ASS1: variants seen among roughly 807,000 people sequenced by gnomAD.
ASS1 encodes argininosuccinate synthase 1, also known as argininosuccinate synthase.
ASS1 carries 58 observed loss-of-function variants against 60.5 expected under a neutral mutation model. That is an observed-to-expected ratio of 0.96 (90% CI 0.78 to 1.19). The LOEUF (loss-of-function observed/expected upper bound fraction) is 1.19, where lower values mean the gene tolerates loss of function less well. Among genes scored for constraint, ASS1 ranks in the 50% most tolerant of loss-of-function variants. The probability of loss-of-function intolerance (pLI) is 0.00; values close to 1 mark genes in which losing one functional copy is unlikely to be tolerated. For missense variants in ASS1, 454 were observed against 547.3 expected (o/e 0.83, Z 1.70); for synonymous variants, 200 against 206.9 (o/e 0.97, Z 0.29).
In ASS1 at chr9:130,483,695, C is replaced by A. The variant is rs528188556; in HGVS notation, c.838+3246C>A. Among the ~76,000 whole-genome samples, 3 of 151,884 alleles carry A rather than the reference C, an allele frequency of 2.0e-5. No homozygotes were observed. The South Asian group carries it at 6.3e-4, about 32-fold the overall frequency. On this transcript the variant is annotated intron_variant, in intron 11 of 14. Transcript: ENST00000352480. The stretch of plus-strand genomic sequence containing the variant: ...TTCTCCCGCCGCTCTCCCCTCTCCG[C>A]TCTCCTCCCAGCCCTGCCCGTCTCA...
In ASS1 at chr9:130,461,449, G is replaced by A. The variant is rs907495049; in HGVS notation, c.364-2662G>A. 2.7e-4 allele frequency among the ~76,000 whole-genome samples: 39 copies of A among 142,346 alleles called. 1 individual carries two copies. Among genetic ancestry groups the A allele is most frequent in the Admixed American group, 2.7e-3 (36 of 13,296 alleles). 93.4% of individuals were successfully genotyped at this position (142,346 alleles called of 152,430 possible). A position where few individuals can be genotyped will look rare whatever the true frequency, so the allele number is the denominator to read the frequency against. On this transcript the variant is annotated intron_variant, in intron 4 of 14. Coordinates refer to ENST00000352480, the MANE Select transcript of ASS1 (RefSeq NM_054012.4). Reference sequence around the variant, plus strand: ...CTGTTCCCCATCCTGGACCTGCAGGGCGTGGTTCTGAGGAGAACGCCCCCC... The same window carrying A: ...CTGTTCCCCATCCTGGACCTGCAGGACGTGGTTCTGAGGAGAACGCCCCCC...
intron 11 of ASS1, among the ~76,000 whole-genome samples, chr9:130,484,030 GC>G (rs1318702830): frequency 6.6e-6 from 1 of 152,080 alleles, no homozygotes; most frequent in Non-Finnish European, 1.5e-5. Flanking sequence ...AGCCCCAGAG[GC>G]CCACCCAGGA....
chr9:130,445,245 CGCGAGTCCCCGGG>C, intron 1 of ASS1: 2 of 960,878 alleles, frequency 2.1e-6, no homozygotes, highest in South Asian at 9.6e-5. Context: ...TCCCCGGGGG[CGCGAGTCCCCGGG>C]TCCGAAGAGC....
intron 6 of ASS1, among the ~76,000 whole-genome samples, chr9:130,468,858 T>C (rs1001289974): frequency 4.6e-5 from 7 of 152,240 alleles, no homozygotes; most frequent in Non-Finnish European, 1.0e-4. Context: ...TCTCACGTTG[T>C]CTACATGTTG....
chr9:130,453,560 G>A (rs1041363288), intron 2 of ASS1, among the ~76,000 whole-genome samples: 3 of 152,218 alleles, frequency 2.0e-5, no homozygotes, highest in Non-Finnish European at 4.4e-5. Flanking sequence ...GTAGCACAGC[G>A]GGGCAATCAG....
At chr9:130,498,638 T>A (rs1008329881) in intron 13 of ASS1, among the ~76,000 whole-genome samples, 66 of 152,150 alleles carry the variant, frequency 4.3e-4, no homozygotes, top group Non-Finnish European at 3.5e-4. Flanking sequence ...GCTACATTAT[T>A]TCATGTGGGG....
At position 130,488,451 on chromosome 9, in the gene ASS1, T is replaced by A. The variant is rs1846361257; in HGVS notation, c.839-882T>A. 6.6e-6 allele frequency among the ~76,000 whole-genome samples: 1 copy of A among 152,240 alleles called. No homozygotes were observed. Among genetic ancestry groups the A allele is most frequent in the Admixed American group, 6.5e-5 (1 of 15,292 alleles). ...TCCTGGGGCAAGAGGGGGCCTGGGC[T>A]GTGTGCTGTGGGCGGTCCTGCCTCT... On this transcript the variant is annotated intron_variant, in intron 11 of 14. Coordinates refer to ENST00000352480, the MANE Select transcript of ASS1 (RefSeq NM_054012.4). This position sits in a 1 kb window ranked among gnomAD's most constrained non-coding sequence, Gnocchi z 5.2.
intron 8 of ASS1, among the ~76,000 whole-genome samples, chr9:130,471,806 G>C (rs1333666872): frequency 1.3e-5 from 2 of 152,222 alleles, no homozygotes; most frequent in African/African-American, 4.8e-5. Context: ...GTGATTGTGA[G>C]ACAATAAAGA....
chr9:130,492,957 G>A (rs1846484799), intron 12 of ASS1, among the ~76,000 whole-genome samples: 1 of 152,170 alleles, frequency 6.6e-6, no homozygotes, highest in Non-Finnish European at 1.5e-5. Context: ...AGAAAATTCT[G>A]AGATAAAGCC....
In ASS1 at chr9:130,478,403, C is replaced by G. The variant is rs1846076021; in HGVS notation, c.689-1313C>G. On this transcript the variant is annotated intron_variant, in intron 9 of 14. Transcript: ENST00000352480. The surrounding 1 kb of genome is among the most constrained non-coding windows in gnomAD (Gnocchi z 4.7). ...GTGGCAGGCTGCGGAGGGTCCTGGGCACCAGGCTCTGGCAGCCCTGCCCGA... is the reference window on the plus strand; with the variant it reads ...GTGGCAGGCTGCGGAGGGTCCTGGGGACCAGGCTCTGGCAGCCCTGCCCGA... Among the ~76,000 whole-genome samples the G allele has an allele frequency of 6.6e-6, 1 of 152,094 alleles. No individual in the cohort carries two copies. Among genetic ancestry groups the G allele is most frequent in the Non-Finnish European group, 1.5e-5 (1 of 68,010 alleles).
At chr9:130,485,184 C>T (rs903591701) in intron 11 of ASS1, among the ~76,000 whole-genome samples, 1 of 152,228 alleles carries the variant, frequency 6.6e-6, no homozygotes, top group Non-Finnish European at 1.5e-5. Context: ...GCGCCCTCCC[C>T]TCTCTGGACT....
Position 130,477,086 on chromosome 9 carries a change from G to A in ASS1, c.688+125G>A, listed in dbSNP as rs1253619856. 2.9e-6 allele frequency: 3 copies of A among 1,035,614 alleles called. No individual in the cohort carries two copies. Among genetic ancestry groups the A allele is most frequent in the Non-Finnish European group, 4.4e-6 (3 of 682,752 alleles). The allele number at this position is 1,035,614 out of a possible 1,614,324, so 64.2% of individuals were successfully genotyped here. On this transcript the variant is annotated intron_variant, in intron 9 of 14. Coordinates refer to ENST00000352480, the MANE Select transcript of ASS1 (RefSeq NM_054012.4). The surrounding 1 kb of genome is among the most constrained non-coding windows in gnomAD (Gnocchi z 4.2). The stretch of plus-strand genomic sequence containing the variant: ...CTGCATTCCTGGAAGCTAGAGTTCA[G>A]GCAGGGGCTTCAAGGTAACGCACAG...
chr9:130,470,211 G>A lies in ASS1; in HGVS notation c.496-623G>A, dbSNP rs1309710364. ...CCTGGGCAGAGGTGGGTGTCCTCCT[G>A]TAACAACAGACTGGGCCATTTAGGA... On this transcript the variant is annotated intron_variant, in intron 6 of 14. Coordinates refer to ENST00000352480, the MANE Select transcript of ASS1 (RefSeq NM_054012.4). The surrounding 1 kb of genome is among the most constrained non-coding windows in gnomAD (Gnocchi z 4.3). Among the ~76,000 whole-genome samples the A allele has an allele frequency of 6.6e-6, 1 of 152,190 alleles. No individual in the cohort carries two copies. The highest frequency in any genetic ancestry group is 1.9e-4 in the East Asian group (1 of 5,186).
chr9:130,445,109 G>A (rs1228829170), intron 1 of ASS1, 114 bp downstream of exon 1: 1 of 977,750 alleles, frequency 1.0e-6, no homozygotes. Flanking sequence ...GGAGGCAGAG[G>A]GCGGACCCCG....
intron 11 of ASS1, among the ~76,000 whole-genome samples, 175 bp downstream of exon 11, chr9:130,480,624 G>A (rs1016172456): frequency 6.6e-6 from 1 of 152,250 alleles, no homozygotes; most frequent in African/African-American, 2.4e-5. Flanking sequence ...TGGGGATCGT[G>A]GGCCCTTTGC....
At chr9:130,460,274 G>A (rs949097951) in intron 4 of ASS1, among the ~76,000 whole-genome samples, 1 of 152,206 alleles carries the variant, frequency 6.6e-6, no homozygotes. Flanking sequence ...CACCCACCAG[G>A]ATGGCACCTG....
Position 130,467,187 on chromosome 9 carries a change from G to A in ASS1, c.495+388G>A, listed in dbSNP as rs562774869. Among the ~76,000 whole-genome samples the A allele has an allele frequency of 4.6e-5, 7 of 152,242 alleles. No individual in the cohort carries two copies. In the South Asian group the frequency reaches 1.2e-3, roughly 27 times the overall value. The stretch of plus-strand genomic sequence containing the variant: ...TGGGGGATGTGATGGCCGGCCGGGG[G>A]GATGTGATCGGGAGCTGTTCTCCCA... On this transcript the variant is annotated intron_variant, in intron 6 of 14. Transcript: ENST00000352480.
At chr9:130,445,347 GC>G in intron 1 of ASS1, 2 of 637,546 alleles carry the variant, frequency 3.1e-6, no homozygotes, top group Non-Finnish European at 3.9e-6. Context: ...GTGTCGTGAA[GC>G]CCCCACATGG....
intron 5 of ASS1, among the ~76,000 whole-genome samples, chr9:130,465,276 C>T (rs1845708566): frequency 6.6e-6 from 1 of 151,794 alleles, no homozygotes; most frequent in East Asian, 1.9e-4. Flanking sequence ...GCCTTGGGCT[C>T]CCAAAGTGCT....
Sources: allele counts gnomAD v4.1 joint callset (sites outside exome capture counted in the v4.1 genomes callset), GRCh38; gene constraint gnomAD v4.1.1; non-coding constraint Gnocchi (gnomAD v3.1); transcripts MANE v1.5; gene names NCBI Gene and HGNC (gene_info 2026-07-23, HGNC 2026-07-21).